The following CTIF variants were observed in gnomAD, a reference collection of about 807,000 sequenced individuals.
CTIF encodes CBP80/20-dependent translation initiation factor.
In CTIF, 21 loss-of-function variants were observed where a neutral mutation model predicts 66.0. The observed-to-expected ratio is 0.32, with a 90% CI of 0.23 to 0.46. The LOEUF (loss-of-function observed/expected upper bound fraction) is 0.46. Among genes scored for constraint, CTIF ranks in the 20% least tolerant of loss-of-function variants. The pLI is 1.00. For missense variants in CTIF, 739 were observed against 812.7 expected (o/e 0.91, Z 1.10); for synonymous variants, 345 against 326.4 (o/e 1.06, Z -0.62).
chr18:48,549,850 G>A (rs945885211), intron 1 of CTIF, among the ~76,000 whole-genome samples: 1 of 152,228 alleles, frequency 6.6e-6, no homozygotes, highest in Admixed American at 6.5e-5. Flanking sequence ...AAGTGGGGAA[G>A]GGAGCAATGG....
In CTIF at chr18:48,560,517, G is replaced by T. The variant is rs985324500; in HGVS notation, c.-29+21205G>T. Among the ~76,000 whole-genome samples the T allele has an allele frequency of 2.6e-5, 4 of 151,390 alleles. No homozygotes were observed. In the South Asian group the frequency reaches 8.4e-4, roughly 32 times the overall value. ...TGGGATTACAGGCGTGAGCCACCAC[G>T]CCCGGCTTGGAGGCTGTTTTAACCA... is the stretch of plus-strand genomic sequence containing the variant. On this transcript the variant is annotated intron_variant, in intron 1 of 11. Transcript: ENST00000256413.
chr18:48,722,959 C>G (rs1192555328), intron 7 of CTIF, among the ~76,000 whole-genome samples: 1 of 152,262 alleles, frequency 6.6e-6, no homozygotes, highest in Non-Finnish European at 1.5e-5. Context: ...TTCACAAGCA[C>G]TTCCAGAGCA....
rs145187743 is a variant in CTIF at position 48,619,455 on chromosome 18, G to A, written c.-28-83G>A. On this transcript the variant is annotated intron_variant, in intron 1 of 11. Coordinates refer to ENST00000256413, the MANE Select transcript of CTIF (RefSeq NM_014772.3). Reference sequence around the variant, plus strand: ...ATGATGGATAAGAAGATGCTTCCAGGAGCAGAGGGTGTTTCTCAGGTGTGG... The same window carrying A: ...ATGATGGATAAGAAGATGCTTCCAGAAGCAGAGGGTGTTTCTCAGGTGTGG... 3,652 of 869,688 alleles carry A rather than the reference G, an allele frequency of 4.2e-3. 13 individuals carry two copies. Among genetic ancestry groups the A allele is most frequent in the Non-Finnish European group, 4.7e-3 (2,877 of 617,854 alleles). 53.9% of individuals were successfully genotyped at this position (869,688 alleles called of 1,614,324 possible).
rs1489666164 is a variant in CTIF at position 48,711,723 on chromosome 18, G to T, written c.584+28G>T. ...AGGAGAGACTTCGTCGTGAGCTTTGGGTTTTCCTTTCCTGCTTCTGCCATC... is the reference window on the plus strand; with the variant it reads ...AGGAGAGACTTCGTCGTGAGCTTTGTGTTTTCCTTTCCTGCTTCTGCCATC... On this transcript the variant is annotated intron_variant, in intron 7 of 11. Transcript: ENST00000256413. 1.0e-5 allele frequency: 16 copies of T among 1,597,916 alleles called. No individual in the cohort carries two copies. The East Asian group carries it at 1.8e-4, about 18-fold the overall frequency.
At chr18:48,804,674 C>A (rs1599078262) in intron 9 of CTIF, among the ~76,000 whole-genome samples, 2 of 152,272 alleles carry the variant, frequency 1.3e-5, no homozygotes, top group South Asian at 2.1e-4. Flanking sequence ...TTTGCCTGAC[C>A]CAATCAGACT....
At chr18:48,805,402 TG>T (rs796277793) in intron 9 of CTIF, among the ~76,000 whole-genome samples, 18 of 100,374 alleles carry the variant, frequency 1.8e-4, no homozygotes, top group African/African-American at 5.9e-4. Flanking sequence ...GCTTCACTGG[TG>T]GGGGGGACCA....
At chr18:48,566,431 AAGAG>A (rs1345948865) in intron 1 of CTIF, 2 of 152,232 alleles carry the variant, frequency 1.3e-5, no homozygotes, top group African/African-American at 4.8e-5. Context: ...GTTGGTGGGG[AAGAG>A]AGAGAAGGTA....
intron 7 of CTIF, among the ~76,000 whole-genome samples, chr18:48,713,682 C>T (rs1241148310): frequency 3.3e-5 from 5 of 152,116 alleles, no homozygotes; most frequent in East Asian, 1.9e-4. Context: ...AAGAGGAGGC[C>T]GGAGGGAAGG....
intron 1 of CTIF, among the ~76,000 whole-genome samples, chr18:48,610,397 A>G (rs1469681403): frequency 1.8e-5 from 2 of 112,036 alleles, no homozygotes; most frequent in Non-Finnish European, 3.4e-5. Context: ...GCCCACCTGG[A>G]TGCCCACCTG....
intron 9 of CTIF, among the ~76,000 whole-genome samples, chr18:48,787,043 T>C (rs1244304015): frequency 6.6e-6 from 1 of 152,156 alleles, no homozygotes; most frequent in Non-Finnish European, 1.5e-5. Flanking sequence ...GGAGGGGCCC[T>C]GTGGCTGGGA....
At chr18:48,693,230 C>G (rs919721779) in intron 6 of CTIF, among the ~76,000 whole-genome samples, 2 of 152,162 alleles carry the variant, frequency 1.3e-5, no homozygotes, top group African/African-American at 4.8e-5. Context: ...GTGGCAGGCT[C>G]CAAGGGCTCT....
chr18:48,842,201 G>T (rs2068961006), intron 10 of CTIF, among the ~76,000 whole-genome samples: 1 of 152,180 alleles, frequency 6.6e-6, no homozygotes. Context: ...CCAGGGGATG[G>T]GCCAATGCCA....
chr18:48,815,014 C>T (rs1306645379), intron 9 of CTIF, among the ~76,000 whole-genome samples: 1 of 152,140 alleles, frequency 6.6e-6, no homozygotes, highest in Non-Finnish European at 1.5e-5. Flanking sequence ...CAAATGGCTT[C>T]GTGGAAAGTA....
At chr18:48,754,265 G>T (rs2145838520) in intron 7 of CTIF, among the ~76,000 whole-genome samples, 1 of 152,356 alleles carries the variant, frequency 6.6e-6, no homozygotes, top group Admixed American at 6.5e-5. Flanking sequence ...AGGCGAATGG[G>T]AGACAGATGG....
intron 10 of CTIF, among the ~76,000 whole-genome samples, chr18:48,840,478 T>G (rs999040260): frequency 1.3e-5 from 2 of 152,144 alleles, no homozygotes; most frequent in African/African-American, 2.4e-5. Context: ...TTATTAAAAT[T>G]TATATTCTGC....
chr18:48,679,320 A>G (rs1412852762), intron 6 of CTIF, among the ~76,000 whole-genome samples: 1 of 152,250 alleles, frequency 6.6e-6, no homozygotes, highest in Non-Finnish European at 1.5e-5. Flanking sequence ...AAACCAGTTC[A>G]TATAATGACA....
rs2091400298 is a variant in CTIF, at chr18:48,664,442, T to TCGC, written c.327-4_327-3insGCC. On this transcript the variant is annotated splice_polypyrimidine_tract_variant and splice_region_variant and intron_variant, in intron 4 of 11. Coordinates refer to ENST00000256413, the MANE Select transcript of CTIF (RefSeq NM_014772.3). ...CTCCGTTTCTCACCCTCCCTCGCCC[T>TCGC]CTAGTGGTGCCACCTGGGACCTGCA... is the stretch of plus-strand genomic sequence containing the variant. The TCGC allele has an allele frequency of 6.2e-7, 1 of 1,612,778 alleles. No homozygotes were observed. Among genetic ancestry groups the TCGC allele is most frequent in the African/African-American group, 1.3e-5 (1 of 74,868 alleles).
At chr18:48,618,770 G>T (rs1393412502) in intron 1 of CTIF, among the ~76,000 whole-genome samples, 1 of 152,228 alleles carries the variant, frequency 6.6e-6, no homozygotes, top group Non-Finnish European at 1.5e-5. Context: ...GCCATAGCTG[G>T]TCATCTATGC....
chr18:48,633,868 A>T (rs1031071380), intron 2 of CTIF, among the ~76,000 whole-genome samples: 1 of 152,176 alleles, frequency 6.6e-6, no homozygotes, highest in African/African-American at 2.4e-5. Flanking sequence ...GTGTTCCCAA[A>T]CACTTGTCAC....
Sources: allele counts gnomAD v4.1 joint callset (sites outside exome capture counted in the v4.1 genomes callset), GRCh38; gene constraint gnomAD v4.1.1; transcripts MANE v1.5; gene names NCBI Gene and HGNC (gene_info 2026-07-23, HGNC 2026-07-21).